IGSF9: variants seen among roughly 807,000 people sequenced by gnomAD.
IGSF9 encodes immunoglobulin superfamily member 9, also known as protein turtle homolog A.
A neutral mutation model predicts 121.7 loss-of-function variants in IGSF9; 87 were observed. The ratio of observed to expected loss-of-function variants is 0.71; its 90% CI spans 0.60 to 0.85. The LOEUF is 0.85. IGSF9 is among the 40% of genes least tolerant of loss of function. The pLI is 0.00. For missense variants in IGSF9, 1,462 were observed against 1,565.3 expected, an observed-to-expected ratio of 0.93 and a Z score of 1.11; for synonymous variants, 640 against 648.4, an observed-to-expected ratio of 0.99 and a Z score of 0.20.
At chr1:159,928,105 A>C in intron 19 of IGSF9, 53 bp downstream of exon 19, 1 of 1,576,102 alleles carries the variant, frequency 6.3e-7, no homozygotes, top group Non-Finnish European at 8.6e-7. Flanking sequence ...GAGGGGTGAG[A>C]GGTCTGGGGT....
Position 159,928,823 on chromosome 1 carries a change from C to A in IGSF9, c.2565G>T (p.Met855Ile). The A allele has an allele frequency of 6.6e-7, 1 of 1,523,954 alleles. No homozygotes were observed. 94.4% of individuals were successfully genotyped at this position (1,523,954 alleles called of 1,614,324 possible). A position where few individuals can be genotyped will look rare whatever the true frequency, so the allele number is the denominator to read the frequency against. The change falls in exon 19 of 21, where the codon ATG becomes ATT. Residue 855 changes from methionine to isoleucine, a missense_variant. Met to Ile is a conservative substitution (Grantham distance 10). Coordinates refer to ENST00000368094, the MANE Select transcript of IGSF9 (RefSeq NM_001135050.2). ...CCTGGGGGGCCGCCACAGTGGGCCCCATCACAAAGCGCCCGTCTGGGCCCC... is the reference window on the plus strand; with the variant it reads ...CCTGGGGGGCCGCCACAGTGGGCCCAATCACAAAGCGCCCGTCTGGGCCCC... ...ICRGPDGRFV[M>I]GPTVAAPQER...
chr1:159,937,612 T>A, intron 4 of IGSF9, 74 bp downstream of exon 4: 1 of 1,530,110 alleles, frequency 6.5e-7, no homozygotes, highest in Non-Finnish European at 9.0e-7. Flanking sequence ...CCTCTTCCCC[T>A]TTCTCCCACC....
Position 159,932,081 on chromosome 1 carries a change from C to T in IGSF9, c.1246-153G>A, listed in dbSNP as rs1651020647. 8 of 593,884 alleles carry T rather than the reference C, an allele frequency of 1.3e-5. No homozygotes were observed. The South Asian group carries it at 1.7e-4, about 12-fold the overall frequency. The allele number at this position is 593,884 out of a possible 1,614,324, so 36.8% of individuals were successfully genotyped here. A position where few individuals can be genotyped will look rare whatever the true frequency, so the allele number is the denominator to read the frequency against. On this transcript the variant is annotated intron_variant, in intron 10 of 20. Coordinates refer to ENST00000368094, the MANE Select transcript of IGSF9 (RefSeq NM_001135050.2). This position sits in a 1 kb window ranked among gnomAD's most constrained non-coding sequence, Gnocchi z 4.1. ...ACCAAGCCTGTCTCTACCTCATTCT[C>T]TCTCCATCTCTCAATTCCTCTCTGG...
Position 159,931,659 on chromosome 1 carries a change from G to A in IGSF9, c.1363-56C>T, listed in dbSNP as rs1028702468. 2.1e-5 allele frequency: 33 copies of A among 1,586,356 alleles called. No individual in the cohort carries two copies. The highest frequency in any genetic ancestry group is 3.4e-5 in the Admixed American group (2 of 58,890). On this transcript the variant is annotated intron_variant, in intron 11 of 20. Transcript: ENST00000368094. This position sits in a 1 kb window ranked among gnomAD's most constrained non-coding sequence, Gnocchi z 4.8. The stretch of plus-strand genomic sequence containing the variant: ...CACGCAGCCACCCCTCACCAAAGGC[G>A]CCCCTCATCTCTCCAGGCAGCTCCA...
At chr1:159,927,684 T>A in intron 20 of IGSF9, 76 bp downstream of exon 20, 2 of 1,568,414 alleles carry the variant, frequency 1.3e-6, no homozygotes, top group South Asian at 1.2e-5. Flanking sequence ...TGACTGGGAA[T>A]AGATGGGTCC....
rs1291347183 is a variant in IGSF9, at chr1:159,936,771, C to T, written c.538G>A (p.Gly180Ser). ...WKLRGKDLGQ[G>S]QGQVQVQNGT... ...GGACTCACTTGCACCTGGCCCTGGC[C>T]CTGGCCAAGGTCCTTTCCTCGGAGC... The change falls in exon 5 of 21, where the codon GGC (glycine) becomes AGC (serine). Residue 180 changes from glycine (G) to serine (S), a missense_variant. Transcript: ENST00000368094. 6.2e-7 allele frequency: 1 copy of T among 1,614,210 alleles called. No individual in the cohort carries two copies.
At chr1:159,936,615 G>A (rs1252973468) in intron 5 of IGSF9, 99 bp from the exon 6 acceptor site, 4 of 1,523,028 alleles carry the variant, frequency 2.6e-6, no homozygotes, top group Admixed American at 1.8e-5. Flanking sequence ...CCCCAGGCTC[G>A]GGGCAAACAA....
At chr1:159,942,796 A>G (rs1471158563) in intron 3 of IGSF9, among the ~76,000 whole-genome samples, 167 bp downstream of exon 3, 1 of 152,054 alleles carries the variant, frequency 6.6e-6, no homozygotes, top group Non-Finnish European at 1.5e-5. Flanking sequence ...CAATGAATTA[A>G]CACTGCTTGG....
At chr1:159,943,935 CTA>C (rs1365177343) in intron 1 of IGSF9, among the ~76,000 whole-genome samples, 1 of 152,154 alleles carries the variant, frequency 6.6e-6, no homozygotes, top group Non-Finnish European at 1.5e-5. Flanking sequence ...TCTTGAAAAA[CTA>C]AGCCAGAAGA....
chr1:159,929,240 T>C (rs1650879961), intron 18 of IGSF9, 111 bp downstream of exon 18: 1 of 1,430,010 alleles, frequency 7.0e-7, no homozygotes, highest in Non-Finnish European at 9.9e-7. Context: ...CCCACTTTTG[T>C]TCCTCCCCAA....
At position 159,934,589 on chromosome 1, in the gene IGSF9, G is replaced by A. The variant is rs1333108404; in HGVS notation, c.816-19C>T. On this transcript the variant is annotated intron_variant, in intron 7 of 20. Coordinates refer to ENST00000368094, the MANE Select transcript of IGSF9 (RefSeq NM_001135050.2). ...CAGGCGGCTGCAATGTGGCATGTGT[G>A]AGGAGGGGTCCAGGCCTTGCCCAGC... 4.3e-6 allele frequency: 7 copies of A among 1,613,356 alleles called. No individual in the cohort carries two copies. Among genetic ancestry groups the A allele is most frequent in the Non-Finnish European group, 5.9e-6 (7 of 1,179,576 alleles).
At chr1:159,939,285 T>C (rs1480660041) in intron 3 of IGSF9, among the ~76,000 whole-genome samples, 1 of 152,080 alleles carries the variant, frequency 6.6e-6, no homozygotes. Context: ...TGGAGTACAG[T>C]GGTTTGATTG....
At position 159,929,609 on chromosome 1, in the gene IGSF9, G is replaced by A. The variant is rs769566573; in HGVS notation, c.2326+29C>T. 19 of 1,581,874 alleles carry A rather than the reference G, an allele frequency of 1.2e-5. No homozygotes were observed. In the African/African-American group the frequency reaches 2.4e-4, roughly 20 times the overall value. The stretch of plus-strand genomic sequence containing the variant: ...TAAGGAGGCTAGGCCCAAGTGCGCA[G>A]TAGCAGGGCTGAGGGTGGAGGGACT... On this transcript the variant is annotated intron_variant, in intron 17 of 20. Transcript: ENST00000368094.
chr1:159,936,455 C>A lies in IGSF9; in HGVS notation c.617G>T (p.Cys206Phe). ...VERGSSGVYT[C>F]QASSTEGSAT... ...GCTGCCCTCAGTGCTGGAGGCTTGGCAGGTGTAGACCCCAGAGCTGCCTCG... is the reference window on the plus strand; with the variant it reads ...GCTGCCCTCAGTGCTGGAGGCTTGGAAGGTGTAGACCCCAGAGCTGCCTCG... The change falls in exon 6 of 21, where the codon TGC (cysteine) becomes TTC (phenylalanine). Residue 206 changes from cysteine to phenylalanine, a missense_variant. Physicochemically the swap from Cys to Phe is radical, Grantham distance 205. Around this residue, in one of 3 missense-constraint regions of IGSF9, gnomAD observed 558 missense variants for 599.4 expected, o/e 0.93. Transcript: ENST00000368094. 1.2e-6 allele frequency: 2 copies of A among 1,614,026 alleles called. No individual in the cohort carries two copies. The highest frequency in any genetic ancestry group is 1.7e-6 in the Non-Finnish European group (2 of 1,180,010).
chr1:159,940,203 C>T (rs1651331106), intron 3 of IGSF9, among the ~76,000 whole-genome samples: 3 of 152,166 alleles, frequency 2.0e-5, no homozygotes, highest in Non-Finnish European at 2.9e-5. Context: ...TCCATGGACA[C>T]GGGTGTTAGG....
chr1:159,940,713 G>A (rs978370518), intron 3 of IGSF9, among the ~76,000 whole-genome samples: 9 of 152,226 alleles, frequency 5.9e-5, no homozygotes, highest in African/African-American at 1.2e-4. Context: ...AAGAATAAAA[G>A]GTGGTGAGGG....
rs1571214225 is a variant in IGSF9, at chr1:159,932,068, T to C, written c.1246-140A>G. 6.5e-6 allele frequency: 4 copies of C among 612,518 alleles called. No individual in the cohort carries two copies. The East Asian group carries it at 1.1e-4, about 17-fold the overall frequency. The allele number at this position is 612,518 out of a possible 1,614,324, so 37.9% of individuals were successfully genotyped here. A position where few individuals can be genotyped will look rare whatever the true frequency, so the allele number is the denominator to read the frequency against. On this transcript the variant is annotated intron_variant, in intron 10 of 20. Coordinates refer to ENST00000368094, the MANE Select transcript of IGSF9 (RefSeq NM_001135050.2). This position sits in a 1 kb window ranked among gnomAD's most constrained non-coding sequence, Gnocchi z 4.1. ...TAGCTAAACACTCACCAAGCCTGTC[T>C]CTACCTCATTCTCTCTCCATCTCTC... is the stretch of plus-strand genomic sequence containing the variant.
chr1:159,935,888 C>T (rs924340422), intron 6 of IGSF9, among the ~76,000 whole-genome samples: 2 of 152,186 alleles, frequency 1.3e-5, no homozygotes, highest in African/African-American at 4.8e-5. Flanking sequence ...TACAGTACCA[C>T]GGACAGCAAC....
In IGSF9 at chr1:159,942,999, C is replaced by T. The variant is rs1454120236; in HGVS notation, c.211G>A (p.Gly71Ser). Residue 71 changes from glycine to serine, a missense_variant, in exon 3 of 21, where the codon GGC becomes AGC. Gly to Ser is a moderately conservative substitution (Grantham distance 56). Transcript: ENST00000368094. ...GGGTCAATTCGGGGAGAGTAGAGGC[C>T]GAACTGGATGAAGATGGGAAGCAGG... ...GFLLPIFIQFGLYSPRIDPDY... is the reference protein window; with the variant it reads ...GFLLPIFIQFSLYSPRIDPDY... The T allele has an allele frequency of 1.2e-5, 20 of 1,613,334 alleles. No individual in the cohort carries two copies. The highest frequency in any genetic ancestry group is 3.3e-4 in the Middle Eastern group (2 of 6,082).
Sources: allele counts gnomAD v4.1 joint callset (sites outside exome capture counted in the v4.1 genomes callset), GRCh38; gene constraint gnomAD v4.1.1; regional missense constraint gnomAD v4.1.1; non-coding constraint Gnocchi (gnomAD v3.1); transcripts MANE v1.5; gene names NCBI Gene and HGNC (gene_info 2026-07-23, HGNC 2026-07-21).